The following CLASP2 variants were observed in gnomAD, a reference collection of about 807,000 sequenced individuals.
The protein encoded by CLASP2 is cytoplasmic linker associated protein 2, also known as CLIP-associating protein 2.
In CLASP2, 47 loss-of-function variants were observed where a neutral mutation model predicts 194.4. The ratio of observed to expected loss-of-function variants is 0.24; its 90% confidence interval spans 0.19 to 0.31. The LOEUF is 0.31. Among genes scored for constraint, CLASP2 ranks in the 10% least tolerant of loss-of-function variants. CLASP2 has a pLI of 1.00. For missense variants in CLASP2, 1,445 were observed against 1,823.6 expected, an observed-to-expected ratio of 0.79 and a Z score of 3.78; for synonymous variants, 619 against 633.5, an observed-to-expected ratio of 0.98 and a Z score of 0.34.
chr3:33,617,373 C>T (rs1000221313), intron 12 of CLASP2, among the ~76,000 whole-genome samples: 2 of 152,014 alleles, frequency 1.3e-5, no homozygotes, highest in African/African-American at 4.8e-5. Flanking sequence ...ATTCACCACA[C>T]GCTACTGGCT....
rs565668714 is a variant in CLASP2 at position 33,520,286 on chromosome 3, G to A, written c.3788-3112C>T. Reference sequence around the variant, plus strand: ...CTCCCAAAGTGTTGGGATTACAGGCGTGAGGCACTGCAGCTGGCTGATATA... The same window carrying A: ...CTCCCAAAGTGTTGGGATTACAGGCATGAGGCACTGCAGCTGGCTGATATA... On this transcript the variant is annotated intron_variant, in intron 34 of 38. Coordinates refer to ENST00000682230, the MANE Select transcript of CLASP2 (RefSeq NM_001365631.1). Among the ~76,000 whole-genome samples, 61 of 152,334 alleles carry A rather than the reference G, an allele frequency of 4.0e-4. 1 individual carries two copies. The highest frequency in any genetic ancestry group is 1.4e-3 in the African/African-American group (58 of 41,582).
chr3:33,651,683 G>C (rs1355158841), intron 7 of CLASP2, among the ~76,000 whole-genome samples: 3 of 114,026 alleles, frequency 2.6e-5, no homozygotes, highest in African/African-American at 1.0e-4. Context: ...TTTTGAGACA[G>C]TGTTTTGCTG....
At chr3:33,620,431 GTTAA>G (rs1185076552) in intron 11 of CLASP2, among the ~76,000 whole-genome samples, 1 of 152,164 alleles carries the variant, frequency 6.6e-6, no homozygotes, top group Non-Finnish European at 1.5e-5. Context: ...TGCAATACTG[GTTAA>G]TTTTTATATA....
intron 21 of CLASP2, among the ~76,000 whole-genome samples, chr3:33,590,374 C>G (rs1014196298): frequency 1.3e-5 from 2 of 152,020 alleles, no homozygotes; most frequent in African/African-American, 4.8e-5. Context: ...ATATAAATCA[C>G]TTGATGATCT....
At chr3:33,675,205 C>A (rs939036762) in intron 6 of CLASP2, among the ~76,000 whole-genome samples, 2 of 151,574 alleles carry the variant, frequency 1.3e-5, no homozygotes, top group Non-Finnish European at 3.0e-5. Context: ...ACTGGCAAAC[C>A]GAATCCAGCA....
chr3:33,686,513 T>C (rs919959623), intron 5 of CLASP2, among the ~76,000 whole-genome samples: 1 of 152,136 alleles, frequency 6.6e-6, no homozygotes, highest in Non-Finnish European at 1.5e-5. Flanking sequence ...AACTAATACC[T>C]GATGATCTGA....
chr3:33,690,023 C>T lies in CLASP2; in HGVS notation c.275-91G>A, dbSNP rs536402239. 1.4e-3 allele frequency: 1,074 copies of T among 769,512 alleles called. 3 individuals carry two copies. The highest frequency in any genetic ancestry group is 1.9e-3 in the Non-Finnish European group (997 of 521,932). The allele number at this position is 769,512 out of a possible 1,614,324, so 47.7% of individuals were successfully genotyped here. A position where few individuals can be genotyped will look rare whatever the true frequency, so the allele number is the denominator to read the frequency against. The stretch of plus-strand genomic sequence containing the variant: ...TCAAAATTACAAATAGCAATTGTTT[C>T]CATAAATGAAGAGTTGTGAGGTAAA... On this transcript the variant is annotated intron_variant, in intron 2 of 38. Transcript: ENST00000682230.
At chr3:33,617,502 T>G (rs956772323) in intron 12 of CLASP2, among the ~76,000 whole-genome samples, 1 of 152,178 alleles carries the variant, frequency 6.6e-6, no homozygotes, top group Admixed American at 6.5e-5. Flanking sequence ...GATTGAATAT[T>G]TTTGTGTAAC....
At chr3:33,610,651 A>G (rs68031635) in intron 13 of CLASP2, among the ~76,000 whole-genome samples, 17,293 of 152,184 alleles carry the variant, frequency 0.11, 1,229 homozygotes, top group East Asian at 0.22. Flanking sequence ...TGTGGACCAC[A>G]TACAGTCTCT....
intron 12 of CLASP2, among the ~76,000 whole-genome samples, chr3:33,613,579 T>C (rs1408186225): frequency 6.6e-6 from 1 of 152,252 alleles, no homozygotes; most frequent in Non-Finnish European, 1.5e-5. Context: ...AAACCCTTTT[T>C]TCAGCCACTA....
intron 7 of CLASP2, chr3:33,659,112 C>G: frequency 6.8e-7 from 1 of 1,466,720 alleles, no homozygotes; most frequent in Non-Finnish European, 9.0e-7. Context: ...CTGTGTGACC[C>G]AGGCCTCGCT....
intron 20 of CLASP2, chr3:33,592,716 TAA>T (rs1219645765): frequency 3.4e-6 from 2 of 589,554 alleles, no homozygotes; most frequent in East Asian, 6.7e-5. Flanking sequence ...AGAATCAAAC[TAA>T]AAGATTTACA....
intron 16 of CLASP2, among the ~76,000 whole-genome samples, chr3:33,605,584 T>A (rs2073617156): frequency 6.6e-6 from 1 of 152,140 alleles, no homozygotes; most frequent in Non-Finnish European, 1.5e-5. Flanking sequence ...AAACCGGCAA[T>A]CTTTGTGGTG....
intron 30 of CLASP2, among the ~76,000 whole-genome samples, chr3:33,550,276 A>T (rs1012253866): frequency 5.9e-5 from 9 of 151,278 alleles, no homozygotes; most frequent in African/African-American, 1.9e-4. Context: ...GGTGCCTGTA[A>T]TCCCAGCTAC....
chr3:33,649,715 C>G (rs2082868083), intron 7 of CLASP2, among the ~76,000 whole-genome samples: 1 of 152,086 alleles, frequency 6.6e-6, no homozygotes, highest in Admixed American at 6.5e-5. Context: ...GCTGGTATAC[C>G]AAACAACTAT....
intron 18 of CLASP2, among the ~76,000 whole-genome samples, 183 bp from the exon 19 acceptor site, chr3:33,596,917 C>A (rs1229808218): frequency 6.6e-6 from 1 of 152,124 alleles, no homozygotes; most frequent in Non-Finnish European, 1.5e-5. Context: ...AAAGACTTCA[C>A]CTAATGTACT....
chr3:33,665,525 T>TC (rs2086038950), intron 6 of CLASP2, among the ~76,000 whole-genome samples: 1 of 152,030 alleles, frequency 6.6e-6, no homozygotes, highest in Admixed American at 6.6e-5. Flanking sequence ...CTCAATACAC[T>TC]CTTCCTATGA....
chr3:33,599,482 G>A (rs900157435), intron 18 of CLASP2, among the ~76,000 whole-genome samples: 1 of 152,086 alleles, frequency 6.6e-6, no homozygotes, highest in African/African-American at 2.4e-5. Flanking sequence ...CCAGTTTGAA[G>A]TCTCACAGGG....
chr3:33,535,222 C>T lies in CLASP2; in HGVS notation c.3787+11G>A. The T allele has an allele frequency of 6.3e-7, 1 of 1,598,548 alleles. No homozygotes were observed. The highest frequency in any genetic ancestry group is 2.2e-5 in the East Asian group (1 of 44,794). ...CCAAAACAGACAGTAGCAGTGTGAC[C>T]CAGAACATACCGTCAGGAAACTGGT... On this transcript the variant is annotated intron_variant, in intron 34 of 38. Coordinates refer to ENST00000682230, the MANE Select transcript of CLASP2 (RefSeq NM_001365631.1).
Sources: allele counts gnomAD v4.1 joint callset (sites outside exome capture counted in the v4.1 genomes callset), GRCh38; gene constraint gnomAD v4.1.1; transcripts MANE v1.5; gene names NCBI Gene and HGNC (gene_info 2026-07-23, HGNC 2026-07-21).